CHD9: variants seen among roughly 807,000 people sequenced by gnomAD.
CHD9 encodes the protein ATP-dependent chromatin remodeler CHD9.
A neutral mutation model predicts 316.1 loss-of-function variants in CHD9; 77 were observed. That is an observed-to-expected ratio of 0.24 (90% CI 0.20 to 0.29). CHD9 has a LOEUF of 0.29. CHD9 is among the 10% of genes least tolerant of loss of function. The pLI, the probability that CHD9 is intolerant of heterozygous loss-of-function variation, is 1.00. For synonymous variants in CHD9, 1,129 were observed against 1,158.3 expected (o/e 0.97, Z 0.51); for missense variants, 2,763 against 3,438.1 (o/e 0.80, Z 4.91).
At chr16:53,241,053 C>A (rs565155254) in intron 12 of CHD9, among the ~76,000 whole-genome samples, 105 of 152,170 alleles carry the variant, frequency 6.9e-4, no homozygotes, top group African/African-American at 2.5e-3. Context: ...ATAATTTATA[C>A]CTATTTTAAT....
At chr16:53,141,714 T>C (rs1019571921) in intron 1 of CHD9, among the ~76,000 whole-genome samples, 1 of 152,190 alleles carries the variant, frequency 6.6e-6, no homozygotes, top group African/African-American at 2.4e-5. Context: ...GCCTCTGCAC[T>C]CATCTTGTTT....
At chr16:53,248,024 G>C (rs2049783790) in intron 16 of CHD9, 2 of 152,534 alleles carry the variant, frequency 1.3e-5, no homozygotes, top group South Asian at 4.1e-4. Context: ...CAATAAGATA[G>C]TGTTAAATAT....
chr16:53,148,444 G>A (rs1012202842), intron 1 of CHD9, among the ~76,000 whole-genome samples: 1 of 152,138 alleles, frequency 6.6e-6, no homozygotes, highest in Non-Finnish European at 1.5e-5. Context: ...ATTTTCCACA[G>A]TGGCTATACC....
intron 30 of CHD9, among the ~76,000 whole-genome samples, chr16:53,301,493 C>A (rs898920068): frequency 6.6e-6 from 1 of 152,100 alleles, no homozygotes; most frequent in Admixed American, 6.5e-5. Flanking sequence ...AAAAACATAA[C>A]ATATTGAAAG....
At chr16:53,104,616 A>G (rs1267457908) in intron 1 of CHD9, among the ~76,000 whole-genome samples, 3 of 152,054 alleles carry the variant, frequency 2.0e-5, no homozygotes, top group African/African-American at 7.2e-5. Flanking sequence ...TTGAAGACCA[A>G]CCTGGCCAAC....
chr16:53,168,846 C>T (rs1176127409), intron 2 of CHD9: 1 of 152,230 alleles, frequency 6.6e-6, no homozygotes, highest in Non-Finnish European at 1.5e-5. Flanking sequence ...AAGAGATCTT[C>T]CCACCTCAGC....
At chr16:53,160,706 A>G (rs2041846706) in intron 2 of CHD9, among the ~76,000 whole-genome samples, 1 of 152,324 alleles carries the variant, frequency 6.6e-6, no homozygotes, top group South Asian at 2.1e-4. Flanking sequence ...CAGGAGTTCA[A>G]GACCCGCCTG....
At chr16:53,123,755 G>T (rs1465052642) in intron 1 of CHD9, among the ~76,000 whole-genome samples, 1 of 152,032 alleles carries the variant, frequency 6.6e-6, no homozygotes, top group Admixed American at 6.6e-5. Context: ...GCCCACCTCG[G>T]CCTCCCAAAA....
At chr16:53,088,279 GTT>G (rs71143964) in intron 1 of CHD9, among the ~76,000 whole-genome samples, 1 of 136,152 alleles carries the variant, frequency 7.3e-6, no homozygotes, top group Admixed American at 7.6e-5. Context: ...CATGCACTTT[GTT>G]TTTTTTTTTT....
At chr16:53,189,409 A>C (rs2044301182) in intron 2 of CHD9, among the ~76,000 whole-genome samples, 1 of 152,060 alleles carries the variant, frequency 6.6e-6, no homozygotes, top group East Asian at 1.9e-4. Flanking sequence ...CTTTTTCTTC[A>C]TCGCATTTAG....
At chr16:53,277,831 A>G (rs2053007556) in intron 24 of CHD9, among the ~76,000 whole-genome samples, 1 of 152,132 alleles carries the variant, frequency 6.6e-6, no homozygotes, top group Non-Finnish European at 1.5e-5. Context: ...CTGTTTGCTG[A>G]TGATATGATT....
At position 53,164,230 on chromosome 16, in the gene CHD9, C is replaced by A. The variant is rs7202782; in HGVS notation, c.1452+6689C>A. 4.1e-3 allele frequency among the ~76,000 whole-genome samples: 617 copies of A among 152,220 alleles called. 4 individuals carry two copies. Among genetic ancestry groups the A allele is most frequent in the African/African-American group, 0.014 (591 of 41,520 alleles). On this transcript the variant is annotated intron_variant, in intron 2 of 38. Coordinates refer to ENST00000447540, the MANE Select transcript of CHD9 (RefSeq NM_001308319.2). Reference sequence around the variant, plus strand: ...CATGTTTTCTGGCTATATTCACAATCGTTTATCTATTAGCAGAGGAAGAAC... The same window carrying A: ...CATGTTTTCTGGCTATATTCACAATAGTTTATCTATTAGCAGAGGAAGAAC...
intron 1 of CHD9, among the ~76,000 whole-genome samples, chr16:53,090,964 G>A (rs1164664379): frequency 6.7e-6 from 1 of 148,542 alleles, no homozygotes; most frequent in Non-Finnish European, 1.5e-5. Flanking sequence ...GGCATCTGCT[G>A]CCCTGTGTTT....
In CHD9 at chr16:53,325,452, A is replaced by G. The variant is rs980109501; in HGVS notation, c.*557A>G. ...GTTTTAAAGAAGAAATAAGTTTCCC[A>G]ATCAGCCAATTTAACTGGCTACCTG... On this transcript the variant is annotated 3_prime_UTR_variant, in exon 39 of 39. Transcript: ENST00000447540. The G allele has an allele frequency of 6.6e-6, 1 of 152,622 alleles. No individual in the cohort carries two copies. Among genetic ancestry groups the G allele is most frequent in the Non-Finnish European group, 1.5e-5 (1 of 68,024 alleles). 9.5% of individuals were successfully genotyped at this position (152,622 alleles called of 1,614,324 possible).
intron 1 of CHD9, among the ~76,000 whole-genome samples, chr16:53,058,548 G>A (rs1001762823): frequency 6.6e-6 from 1 of 152,216 alleles, no homozygotes; most frequent in Non-Finnish European, 1.5e-5. Context: ...CAAGAGCTTG[G>A]CAAGGCCAGG....
chr16:53,318,457 AT>A, intron 37 of CHD9, 117 bp downstream of exon 37: 1 of 779,208 alleles, frequency 1.3e-6, no homozygotes, highest in South Asian at 2.2e-5. Flanking sequence ...AGTTGAATCT[AT>A]CAGATTTCTG....
intron 18 of CHD9, among the ~76,000 whole-genome samples, chr16:53,255,051 C>A (rs911899519): frequency 1.3e-5 from 2 of 152,098 alleles, no homozygotes; most frequent in African/African-American, 4.8e-5. Flanking sequence ...TGGCTCACAC[C>A]TGTAATCTCA....
chr16:53,136,851 T>C (rs2039752904), intron 1 of CHD9, among the ~76,000 whole-genome samples: 2 of 152,208 alleles, frequency 1.3e-5, no homozygotes, highest in African/African-American at 4.8e-5. Context: ...CCCAAGATAA[T>C]AGGGTGACCA....
intron 22 of CHD9, among the ~76,000 whole-genome samples, chr16:53,269,781 T>G (rs2052056850): frequency 6.6e-6 from 1 of 152,102 alleles, no homozygotes; most frequent in Non-Finnish European, 1.5e-5. Context: ...CAGCCAAAGA[T>G]GACTTTCTGC....
Sources: allele counts gnomAD v4.1 joint callset (sites outside exome capture counted in the v4.1 genomes callset), GRCh38; gene constraint gnomAD v4.1.1; transcripts MANE v1.5; gene names NCBI Gene and HGNC (gene_info 2026-07-23, HGNC 2026-07-21).